Variants in ALDH1A2 observed in about 807,000 individuals in gnomAD.
ALDH1A2 encodes the protein retinal dehydrogenase 2.
Under a neutral mutation model 60.3 loss-of-function variants are expected in ALDH1A2, and 27 were observed. The observed-to-expected ratio is 0.45, with a 90% CI of 0.33 to 0.62. The LOEUF (loss-of-function observed/expected upper bound fraction) is 0.62. Among genes scored for constraint, ALDH1A2 ranks in the 20% least tolerant of loss-of-function variants. The probability of loss-of-function intolerance (pLI) is 0.02; values close to 1 mark genes in which losing one functional copy is unlikely to be tolerated. For synonymous variants in ALDH1A2, 289 were observed against 232.4 expected, an observed-to-expected ratio of 1.24 and a Z score of -2.21; for missense variants, 581 against 643.8, an observed-to-expected ratio of 0.90 and a Z score of 1.06.
intron 1 of ALDH1A2, among the ~76,000 whole-genome samples, chr15:58,042,706 CA>C (rs1406801378): frequency 6.6e-6 from 1 of 151,832 alleles, no homozygotes; most frequent in East Asian, 1.9e-4. Context: ...AGTTTTCATC[CA>C]GAACATGATT....
rs1349510264 is a variant in ALDH1A2 at position 57,962,172 on chromosome 15, T to C, written c.1091A>G (p.Asp364Gly). 6.8e-6 allele frequency: 11 copies of C among 1,614,116 alleles called. No homozygotes were observed. The highest frequency in any genetic ancestry group is 9.3e-6 in the Non-Finnish European group (11 of 1,179,996). ...DPTTEQGPQI[D>G]KKQYNKILEL... ...CAAGATCTTGTTGTACTGTTTCTTA[T>C]CAATCTGTGGGAGACAAGACTTAAT... The change falls in exon 10 of 13, where the codon GAT (aspartate) becomes GGT (glycine). Residue 364 changes from aspartate (D) to glycine (G), a missense_variant. Asp to Gly is a moderately conservative substitution (Grantham distance 94). This residue lies in a region of ALDH1A2 where 375 missense variants were observed against 469.7 expected (regional missense o/e 0.80). Transcript: ENST00000249750.
At chr15:58,046,227 C>T (rs1355324064) in intron 1 of ALDH1A2, among the ~76,000 whole-genome samples, 1 of 151,966 alleles carries the variant, frequency 6.6e-6, no homozygotes, top group Admixed American at 6.6e-5. Context: ...TGTGTTAAAA[C>T]AGTAAAGATC....
intron 7 of ALDH1A2, among the ~76,000 whole-genome samples, chr15:57,988,453 A>G (rs937440657): frequency 2.0e-5 from 3 of 152,242 alleles, no homozygotes; most frequent in East Asian, 1.9e-4. Context: ...AGACCCGACC[A>G]TATCATTAAT....
intron 1 of ALDH1A2, among the ~76,000 whole-genome samples, chr15:58,023,967 C>T (rs1020193853): frequency 6.6e-6 from 1 of 152,160 alleles, no homozygotes; most frequent in African/African-American, 2.4e-5. Context: ...GTGGCACATG[C>T]CTGTAATCTC....
chr15:58,022,841 A>G (rs1431721960), intron 1 of ALDH1A2, among the ~76,000 whole-genome samples: 1 of 152,214 alleles, frequency 6.6e-6, no homozygotes, highest in African/African-American at 2.4e-5. Flanking sequence ...AACACCATAT[A>G]TACACCTTCA....
chr15:57,985,118 C>T (rs114210222), intron 7 of ALDH1A2, among the ~76,000 whole-genome samples: 2,101 of 152,192 alleles, frequency 0.014, 54 homozygotes, highest in African/African-American at 0.046. Flanking sequence ...TACATGTTGG[C>T]CACAATTTTT....
intron 4 of ALDH1A2, among the ~76,000 whole-genome samples, chr15:57,997,150 T>G (rs1438439310): frequency 6.6e-6 from 1 of 152,048 alleles, no homozygotes; most frequent in African/African-American, 2.4e-5. Flanking sequence ...AGCGAAGATG[T>G]TGCAACTGTC....
intron 1 of ALDH1A2, among the ~76,000 whole-genome samples, chr15:58,030,487 G>C (rs150555143): frequency 6.6e-6 from 1 of 152,256 alleles, no homozygotes; most frequent in Non-Finnish European, 1.5e-5. Context: ...CACAAGACAA[G>C]GATGCCCTCC....
At chr15:58,047,565 T>A (rs144110297) in intron 1 of ALDH1A2, among the ~76,000 whole-genome samples, 1 of 152,010 alleles carries the variant, frequency 6.6e-6, no homozygotes. Context: ...CATCTCAGTA[T>A]GGCACTCTGT....
intron 3 of ALDH1A2, among the ~76,000 whole-genome samples, chr15:58,013,601 A>T (rs192793213): frequency 3.3e-5 from 5 of 152,024 alleles, no homozygotes; most frequent in African/African-American, 1.2e-4. Context: ...AAAATACAAA[A>T]ATTAGCCAGG....
At chr15:58,052,413 T>C (rs1896797630) in intron 1 of ALDH1A2, among the ~76,000 whole-genome samples, 1 of 152,164 alleles carries the variant, frequency 6.6e-6, no homozygotes, top group African/African-American at 2.4e-5. Flanking sequence ...AATAAGCATC[T>C]CATTCTGGTC....
chr15:58,058,635 A>C lies in ALDH1A2; in HGVS notation c.117+6899T>G, dbSNP rs538150967. Among the ~76,000 whole-genome samples the C allele has an allele frequency of 2.6e-5, 4 of 152,266 alleles. No homozygotes were observed. In the South Asian group the frequency reaches 8.3e-4, roughly 32 times the overall value. On this transcript the variant is annotated intron_variant, in intron 1 of 12. Coordinates refer to ENST00000249750, the MANE Select transcript of ALDH1A2 (RefSeq NM_003888.4). The stretch of plus-strand genomic sequence containing the variant: ...GAGTTTTCAGATTCATGATATGCTA[A>C]ATTCTTCTAGATAAGAAACAGGTGT...
intron 7 of ALDH1A2, among the ~76,000 whole-genome samples, chr15:57,968,755 C>G (rs1350012056): frequency 3.9e-5 from 6 of 152,214 alleles, no homozygotes; most frequent in African/African-American, 1.4e-4. Flanking sequence ...GCTGGCCCAG[C>G]TGGCATTACA....
At chr15:58,054,334 T>C (rs1029463874) in intron 1 of ALDH1A2, among the ~76,000 whole-genome samples, 1 of 152,174 alleles carries the variant, frequency 6.6e-6, no homozygotes, top group Admixed American at 6.5e-5. Context: ...TTGCAAGATC[T>C]GGCTTAAAGG....
intron 4 of ALDH1A2, 111 bp downstream of exon 4, chr15:58,010,538 G>T (rs554698221): frequency 1.3e-5 from 19 of 1,428,488 alleles, no homozygotes; most frequent in Non-Finnish European, 1.8e-5. Context: ...TCTAACTGCT[G>T]TAAGTGTGCT....
At chr15:57,997,542 G>A (rs566698947) in intron 4 of ALDH1A2, among the ~76,000 whole-genome samples, 5 of 151,970 alleles carry the variant, frequency 3.3e-5, no homozygotes, top group East Asian at 1.9e-4. Flanking sequence ...GTAGGAACCT[G>A]GAATGGTTCA....
chr15:58,005,808 G>A (rs759665237), intron 4 of ALDH1A2, among the ~76,000 whole-genome samples: 2 of 151,686 alleles, frequency 1.3e-5, no homozygotes, highest in African/African-American at 4.8e-5. Context: ...ATATGATTAG[G>A]ATCTAGGCAG....
chr15:58,036,574 T>A (rs929557078), intron 1 of ALDH1A2: 5 of 151,510 alleles, frequency 3.3e-5, no homozygotes, highest in Non-Finnish European at 7.4e-5. Flanking sequence ...CAGTTGGAAC[T>A]AAGAAGGAAA....
intron 1 of ALDH1A2, 52 bp from the exon 2 acceptor site, chr15:58,014,333 A>T (rs1263869615): frequency 7.3e-7 from 1 of 1,363,292 alleles, no homozygotes; most frequent in Non-Finnish European, 1.1e-6. Flanking sequence ...ATAAGCAGCC[A>T]GTCAACGGCC....
Sources: allele counts gnomAD v4.1 joint callset (sites outside exome capture counted in the v4.1 genomes callset), GRCh38; gene constraint gnomAD v4.1.1; regional missense constraint gnomAD v4.1.1; transcripts MANE v1.5; gene names NCBI Gene and HGNC (gene_info 2026-07-23, HGNC 2026-07-21).